The following CCDC171 variants were observed in gnomAD, a reference collection of about 807,000 sequenced individuals.
CCDC171 encodes the protein coiled-coil domain containing 171, also known as coiled-coil domain-containing protein 171.
A neutral mutation model predicts 168.2 loss-of-function variants in CCDC171; 177 were observed. The ratio of observed to expected loss-of-function variants is 1.05; its 90% CI spans 0.93 to 1.19. The LOEUF (loss-of-function observed/expected upper bound fraction) is 1.19. CCDC171 is among the 50% of genes most tolerant of loss of function. The probability of loss-of-function intolerance (pLI) is 0.00; values close to 1 mark genes in which losing one functional copy is unlikely to be tolerated. For synonymous variants in CCDC171, 687 were observed against 540.8 expected, an observed-to-expected ratio of 1.27 and a Z score of -3.75; for missense variants, 1,991 against 1,539.0, an observed-to-expected ratio of 1.29 and a Z score of -4.91.
intron 1 of CCDC171, among the ~76,000 whole-genome samples, chr9:15,562,473 C>G (rs1464925159): frequency 6.6e-6 from 1 of 152,168 alleles, no homozygotes; most frequent in Admixed American, 6.6e-5. Flanking sequence ...TGCTATCTCT[C>G]TAGAGGACCA....
chr9:15,937,798 G>T (rs190676498), intron 25 of CCDC171, among the ~76,000 whole-genome samples: 20 of 152,014 alleles, frequency 1.3e-4, no homozygotes, highest in Admixed American at 5.9e-4. Context: ...TGATGTGGGT[G>T]GTCAAGGCAC....
intron 6 of CCDC171, among the ~76,000 whole-genome samples, chr9:15,596,595 T>A (rs1423860774): frequency 1.3e-5 from 2 of 152,006 alleles, no homozygotes; most frequent in Non-Finnish European, 2.9e-5. Context: ...TCCAGCTTTG[T>A]TCTTTTGGCT....
chr9:15,654,886 C>A (rs1283849950), intron 7 of CCDC171, among the ~76,000 whole-genome samples: 1 of 152,012 alleles, frequency 6.6e-6, no homozygotes, highest in African/African-American at 2.4e-5. Flanking sequence ...TTTGTAGGGA[C>A]ATGGATGAAG....
chr9:16,084,668 C>T, the CCDC171 span, among the ~76,000 whole-genome samples: 5 of 152,138 alleles, frequency 3.3e-5, no homozygotes, highest in Admixed American at 6.5e-5. Context: ...TGAATACCTC[C>T]GGGCTGCCAT....
chr9:15,595,097 C>G (rs756512068), intron 6 of CCDC171, among the ~76,000 whole-genome samples: 1 of 151,926 alleles, frequency 6.6e-6, no homozygotes, highest in African/African-American at 2.4e-5. Flanking sequence ...TCACAAACAA[C>G]TTTGTAACAC....
chr9:16,052,663 G>A (rs547626995), intron 1 of CCDC171, among the ~76,000 whole-genome samples: 1 of 152,216 alleles, frequency 6.6e-6, no homozygotes, highest in Admixed American at 6.5e-5. Flanking sequence ...AGGGCCCGGG[G>A]CCTTTTGTAG....
chr9:16,060,045 A>C (rs1300852815), intron 1 of CCDC171, among the ~76,000 whole-genome samples: 2 of 152,082 alleles, frequency 1.3e-5, no homozygotes, highest in African/African-American at 4.8e-5. Context: ...CAACTGCCCA[A>C]CCTCCCTTCC....
chr9:15,797,073 C>T (rs561734418), intron 21 of CCDC171, among the ~76,000 whole-genome samples: 1 of 152,140 alleles, frequency 6.6e-6, no homozygotes, highest in South Asian at 2.1e-4. Context: ...TTAATTTTAT[C>T]TGTTATAATG....
intron 15 of CCDC171, among the ~76,000 whole-genome samples, chr9:15,728,838 T>C (rs978516992): frequency 6.6e-6 from 1 of 152,008 alleles, no homozygotes; most frequent in Admixed American, 6.6e-5. Flanking sequence ...AGAGAAAAAC[T>C]GTCCCGTAAG....
chr9:15,613,518 T>C (rs2043854131), intron 6 of CCDC171, among the ~76,000 whole-genome samples: 1 of 151,680 alleles, frequency 6.6e-6, no homozygotes, highest in African/African-American at 2.4e-5. Context: ...ATTTTTCTTT[T>C]TTTCTTTTCT....
At chr9:15,677,566 A>G (rs188273616) in intron 9 of CCDC171, among the ~76,000 whole-genome samples, 1 of 152,126 alleles carries the variant, frequency 6.6e-6, no homozygotes, top group East Asian at 1.9e-4. Flanking sequence ...TCTCAGATTT[A>G]AAACAGTGAC....
chr9:15,587,359 G>T (rs1446132739), intron 4 of CCDC171, among the ~76,000 whole-genome samples: 1 of 152,122 alleles, frequency 6.6e-6, no homozygotes, highest in Non-Finnish European at 1.5e-5. Flanking sequence ...TGGGTCTCAC[G>T]AGATCTGATG....
intron 7 of CCDC171, among the ~76,000 whole-genome samples, chr9:15,642,683 T>G (rs2046737131): frequency 6.6e-6 from 1 of 152,136 alleles, no homozygotes; most frequent in Admixed American, 6.5e-5. Flanking sequence ...TTGCTGTCCT[T>G]ACTGAGTAAT....
At chr9:16,000,809 C>T (rs565475184) in intron 3 of CCDC171, among the ~76,000 whole-genome samples, 35 of 151,940 alleles carry the variant, frequency 2.3e-4, no homozygotes, top group South Asian at 8.3e-4. Context: ...TCCCCTATTT[C>T]TTTTTCCTGC....
At chr9:16,098,747 A>G in the CCDC171 span, among the ~76,000 whole-genome samples, 1 of 152,248 alleles carries the variant, frequency 6.6e-6, no homozygotes, top group Admixed American at 6.5e-5. Context: ...TTCTGTTTTC[A>G]AAAACAATTT....
At chr9:15,866,750 A>G (rs987017796) in intron 23 of CCDC171, among the ~76,000 whole-genome samples, 1 of 152,014 alleles carries the variant, frequency 6.6e-6, no homozygotes, top group African/African-American at 2.4e-5. Context: ...TTATAGATAA[A>G]TGGGAAGCTA....
At chr9:15,555,108 G>T (rs894082718) in intron 1 of CCDC171, among the ~76,000 whole-genome samples, 2 of 152,084 alleles carry the variant, frequency 1.3e-5, no homozygotes, top group Non-Finnish European at 2.9e-5. Context: ...AAGTAGATTC[G>T]CCTTTCTGGC....
At chr9:15,847,704 A>T (rs1478523277) in intron 22 of CCDC171, among the ~76,000 whole-genome samples, 3 of 152,054 alleles carry the variant, frequency 2.0e-5, no homozygotes, top group African/African-American at 7.2e-5. Context: ...TTTGAGACAA[A>T]CTCTTAAACA....
chr9:15,633,072 T>G (rs10756682), intron 7 of CCDC171, among the ~76,000 whole-genome samples: 61,506 of 151,772 alleles, frequency 0.41, 14,216 homozygotes, highest in East Asian at 0.76. Context: ...AGAAACCCTA[T>G]AGGAAAACCT....
Sources: gnomAD v4.1 joint callset for allele counts (sites outside exome capture counted in the v4.1 genomes callset) on GRCh38, gnomAD v4.1.1 for gene constraint, MANE v1.5 for transcripts, NCBI Gene and HGNC (gene_info 2026-07-23, HGNC 2026-07-21) for gene names.